Variants in CDT1 observed in about 807,000 individuals in gnomAD.
The protein encoded by CDT1 is DNA replication factor Cdt1.
In CDT1, 66 loss-of-function variants were observed where a neutral mutation model predicts 49.3. The ratio of observed to expected loss-of-function variants is 1.34; its 90% CI spans 1.10 to 1.64. The LOEUF is 1.64. Ranked by LOEUF, CDT1 falls within the 40% of genes most tolerant of loss-of-function variation. The pLI is 0.00. For missense variants in CDT1, 958 were observed against 807.7 expected (o/e 1.19, Z -2.26); for synonymous variants, 424 against 347.4 (o/e 1.22, Z -2.45).
In CDT1 at chr16:88,803,997, GC is replaced by G. The variant is rs1164950412; in HGVS notation, c.171del (p.Gly58AspfsTer41). 7.6e-6 allele frequency: 11 copies of G among 1,447,802 alleles called. No individual in the cohort carries two copies. The highest frequency in any genetic ancestry group is 2.6e-5 in the Admixed American group (1 of 38,408). The allele number at this position is 1,447,802 out of a possible 1,614,324, so 89.7% of individuals were successfully genotyped here. The part of the protein sequence containing the change: ...GSRKRARPPA[A>X]PGRDQARPPA... ...CCGCAAGCGCGCCCGCCCGCCCGCC[GC>G]CCCCGGACGCGACCAGGCCAGGCCA... On this transcript the variant is annotated frameshift_variant, in exon 1 of 10. Coordinates refer to ENST00000301019, the MANE Select transcript of CDT1 (RefSeq NM_030928.4). LOFTEE classifies it high-confidence loss of function.
chr16:88,805,916 C>G, intron 5 of CDT1, 47 bp downstream of exon 5: 3 of 1,605,198 alleles, frequency 1.9e-6, no homozygotes, highest in Non-Finnish European at 1.7e-6. Context: ...GTGAGCCGCA[C>G]AGTTTCCAGG....
chr16:88,809,174 C>G lies in CDT1; in HGVS notation c.*896C>G, dbSNP rs1908999125. The stretch of plus-strand genomic sequence containing the variant: ...GACAAGTAGGACATCCCTGGAGCCT[C>G]CAGAAGGGACTGGCCTCTGCCCACA... On this transcript the variant is annotated 3_prime_UTR_variant, in exon 10 of 10. Transcript: ENST00000301019. 2 of 328,116 alleles carry G rather than the reference C, an allele frequency of 6.1e-6. No individual in the cohort carries two copies. The highest frequency in any genetic ancestry group is 6.0e-6 in the Non-Finnish European group (1 of 166,700). The allele number at this position is 328,116 out of a possible 1,614,324, so 20.3% of individuals were successfully genotyped here. A position where few individuals can be genotyped will look rare whatever the true frequency, so the allele number is the denominator to read the frequency against.
rs571831275 is a variant in CDT1, at chr16:88,809,153, A to G, written c.*875A>G. ...CAGCCTGGAGAAGCTGGGCAGGACAAGTAGGACATCCCTGGAGCCTCCAGA... is the reference window on the plus strand; with the variant it reads ...CAGCCTGGAGAAGCTGGGCAGGACAGGTAGGACATCCCTGGAGCCTCCAGA... On this transcript the variant is annotated 3_prime_UTR_variant, in exon 10 of 10. Coordinates refer to ENST00000301019, the MANE Select transcript of CDT1 (RefSeq NM_030928.4). 1.3e-4 allele frequency: 38 copies of G among 283,722 alleles called. No individual in the cohort carries two copies. The highest frequency in any genetic ancestry group is 1.6e-4 in the Non-Finnish European group (23 of 143,896). 17.6% of individuals were successfully genotyped at this position (283,722 alleles called of 1,614,324 possible). A position where few individuals can be genotyped will look rare whatever the true frequency, so the allele number is the denominator to read the frequency against.
At chr16:88,804,513 C>T (rs374224159) in intron 1 of CDT1, 32 bp from the exon 2 acceptor site, 46 of 1,606,642 alleles carry the variant, frequency 2.9e-5, no homozygotes, top group Non-Finnish European at 3.7e-5. Flanking sequence ...CAGGTCTTGT[C>T]ATGAGTTCAC....
In CDT1 at chr16:88,804,864, A is replaced by C. The variant is rs1597504512; in HGVS notation, c.454A>C (p.Thr152Pro). The change falls in exon 3 of 10, where the codon ACC (threonine) becomes CCC (proline). Residue 152 changes from threonine (T) to proline (P), a missense_variant. Physicochemically the swap from Thr to Pro is conservative, Grantham distance 38. Transcript: ENST00000301019. The stretch of plus-strand genomic sequence containing the variant: ...TGCCCAGGATGCTGGGGAGTCCTGC[A>C]CCCCAGAGGCCGAGGGCCGCCCTGA... ...ASAQDAGESC[T>P]PEAEGRPEEP... The C allele has an allele frequency of 3.7e-6, 6 of 1,603,850 alleles. No individual in the cohort carries two copies. In the East Asian group the frequency reaches 1.1e-4, roughly 30 times the overall value.
Position 88,805,517 on chromosome 16 carries a change from A to G in CDT1, c.566A>G (p.Lys189Arg), listed in dbSNP as rs1321283671. ...CTGCCGGGACTCGTGCTGCCCTACA[A>G]GTACCAGGTGCTGGCGGAGATGTTC... ...PGLPGLVLPY[K>R]YQVLAEMFRS... Residue 189 changes from lysine to arginine, a missense_variant, in exon 4 of 10, where the codon AAG (lysine) becomes AGG (arginine). Physicochemically the swap from Lys to Arg is conservative, Grantham distance 26 (BLOSUM62 2). Transcript: ENST00000301019. 2 of 1,612,788 alleles carry G rather than the reference A, an allele frequency of 1.2e-6. No homozygotes were observed. The highest frequency in any genetic ancestry group is 2.7e-5 in the African/African-American group (2 of 74,942).
intron 8 of CDT1, 37 bp downstream of exon 8, chr16:88,807,240 T>A (rs1197956544): frequency 1.2e-6 from 2 of 1,610,854 alleles, no homozygotes; most frequent in Non-Finnish European, 8.5e-7. Context: ...GGGCGCCTGG[T>A]GACCTGCTGC....
chr16:88,806,990 C>G, intron 7 of CDT1, 61 bp from the exon 8 acceptor site: 2 of 1,605,090 alleles, frequency 1.2e-6, no homozygotes, highest in Non-Finnish European at 1.7e-6. Context: ...GACTCCTGGG[C>G]AGACAGCCAG....
rs762869154 is a variant in CDT1 at position 88,805,611 on chromosome 16, G to C, written c.660G>C (p.Gln220His). The C allele has an allele frequency of 6.2e-7, 1 of 1,612,788 alleles. No homozygotes were observed. Residue 220 changes from glutamine to histidine, a missense_variant, in exon 4 of 10, where the codon CAG becomes CAC. Coordinates refer to ENST00000301019, the MANE Select transcript of CDT1 (RefSeq NM_030928.4). ...AGACGCCCACCTTTGCCAAGGTCCAGCGGGGCGTCCAGGACATGATGCGTA... is the reference window on the plus strand; with the variant it reads ...AGACGCCCACCTTTGCCAAGGTCCACCGGGGCGTCCAGGACATGATGCGTA... The part of the protein sequence containing the change: ...RSETPTFAKV[Q>H]RGVQDMMRRR...
chr16:88,806,371 G>A (rs1334548679), intron 6 of CDT1, 115 bp from the exon 7 acceptor site: 8 of 1,279,768 alleles, frequency 6.3e-6, no homozygotes, highest in Admixed American at 5.9e-5. Context: ...CTGGGCAGAG[G>A]CTGAGTGACT....
intron 6 of CDT1, 163 bp downstream of exon 6, chr16:88,806,284 A>C: frequency 1.0e-6 from 1 of 959,964 alleles, no homozygotes; most frequent in Non-Finnish European, 1.6e-6. Flanking sequence ...GTGCAGCCGC[A>C]GGCACTGAGG....
rs186313212 is a variant in CDT1 at position 88,808,722 on chromosome 16, T to G, written c.*444T>G. ...TGTCATTAAGAAAGACTGGGGTGGGTGTGGTGGCTCACGCCTGTAACCCCA... is the reference window on the plus strand; with the variant it reads ...TGTCATTAAGAAAGACTGGGGTGGGGGTGGTGGCTCACGCCTGTAACCCCA... On this transcript the variant is annotated 3_prime_UTR_variant, in exon 10 of 10. Transcript: ENST00000301019. 1 of 198,140 alleles carries G rather than the reference T, an allele frequency of 5.0e-6. No homozygotes were observed. Among genetic ancestry groups the G allele is most frequent in the Non-Finnish European group, 1.0e-5 (1 of 95,256 alleles). The allele number at this position is 198,140 out of a possible 1,614,324, so 12.3% of individuals were successfully genotyped here. A position where few individuals can be genotyped will look rare whatever the true frequency, so the allele number is the denominator to read the frequency against.
chr16:88,806,561 G>A lies in CDT1; in HGVS notation c.1009G>A (p.Val337Met), dbSNP rs145752768. 4 of 1,609,626 alleles carry A rather than the reference G, an allele frequency of 2.5e-6. No individual in the cohort carries two copies. Among genetic ancestry groups the A allele is most frequent in the South Asian group, 1.1e-5 (1 of 90,450 alleles). ...GACCCGCTGGCACCCGCGCTTCAACGTGGATGAAGTACCCGACATCGAGCC... is the reference window on the plus strand; with the variant it reads ...GACCCGCTGGCACCCGCGCTTCAACATGGATGAAGTACCCGACATCGAGCC... ...QLTRWHPRFN[V>M]DEVPDIEPAA... The change falls in exon 7 of 10, where the codon GTG (valine) becomes ATG (methionine). Residue 337 changes from valine to methionine, a missense_variant. Transcript: ENST00000301019.
rs115858231 is a variant in CDT1 at position 88,808,642 on chromosome 16, C to T, written c.*364C>T. On this transcript the variant is annotated 3_prime_UTR_variant, in exon 10 of 10. Coordinates refer to ENST00000301019, the MANE Select transcript of CDT1 (RefSeq NM_030928.4). Reference sequence around the variant, plus strand: ...TGGGTAGTGTGGGTGGCAGGCCATCCCCTCTAATCTTGGAACCTCTGAATA... The same window carrying T: ...TGGGTAGTGTGGGTGGCAGGCCATCTCCTCTAATCTTGGAACCTCTGAATA... 3,223 of 299,560 alleles carry T rather than the reference C, an allele frequency of 0.011. 86 individuals carry two copies. The highest frequency in any genetic ancestry group is 0.066 in the African/African-American group (3,046 of 46,202). 18.6% of individuals were successfully genotyped at this position (299,560 alleles called of 1,614,324 possible).
Position 88,809,056 on chromosome 16 carries a change from T to C in CDT1, c.*778T>C, listed in dbSNP as rs551818544. On this transcript the variant is annotated 3_prime_UTR_variant, in exon 10 of 10. Coordinates refer to ENST00000301019, the MANE Select transcript of CDT1 (RefSeq NM_030928.4). ...TCCTGAATTGTCCAGCTACGCCCCA[T>C]GTCATCACAGGGCCTTCATGACAGG... is the stretch of plus-strand genomic sequence containing the variant. 1.5e-4 allele frequency: 32 copies of C among 213,140 alleles called. No individual in the cohort carries two copies. Among genetic ancestry groups the C allele is most frequent in the Middle Eastern group, 3.9e-3 (2 of 512 alleles). 13.2% of individuals were successfully genotyped at this position (213,140 alleles called of 1,614,324 possible). A position where few individuals can be genotyped will look rare whatever the true frequency, so the allele number is the denominator to read the frequency against.
At chr16:88,804,116 G>A (rs1597503918) in intron 1 of CDT1, 57 bp downstream of exon 1, 2 of 1,140,358 alleles carry the variant, frequency 1.8e-6, no homozygotes, top group South Asian at 2.1e-5. Context: ...ACTGAGGCCC[G>A]GGGGGCAGGG....
At position 88,807,095 on chromosome 16, in the gene CDT1, C is replaced by T. The variant is rs1348529199; in HGVS notation, c.1167C>T (p.Pro389=). ...AATTGGCCCTGCGCTCTGCTGCGCC[C>T]AGCAGCCCCGGGTCTCCCAGGCCAG... ...LSQLALRSAA[P]SSPGSPRPAL... is the part of the protein sequence containing the mutation. Residue 389 remains proline (P), a synonymous_variant, in exon 8 of 10, where the codon CCC becomes CCT. Transcript: ENST00000301019. The T allele has an allele frequency of 1.9e-6, 3 of 1,612,854 alleles. No homozygotes were observed. The highest frequency in any genetic ancestry group is 2.5e-6 in the Non-Finnish European group (3 of 1,179,978).
At chr16:88,804,699 G>C in intron 2 of CDT1, 32 bp downstream of exon 2, 1 of 1,612,276 alleles carries the variant, frequency 6.2e-7, no homozygotes, top group Non-Finnish European at 8.5e-7. Flanking sequence ...AGATGCGGGA[G>C]GGCTGAGTGG....
Position 88,804,394 on chromosome 16 carries a change from T to A in CDT1, c.229-151T>A, listed in dbSNP as rs934039281. The A allele has an allele frequency of 1.5e-5, 16 of 1,059,406 alleles. No homozygotes were observed. The South Asian group carries it at 2.4e-4, about 16-fold the overall frequency. The allele number at this position is 1,059,406 out of a possible 1,614,324, so 65.6% of individuals were successfully genotyped here. A position where few individuals can be genotyped will look rare whatever the true frequency, so the allele number is the denominator to read the frequency against. On this transcript the variant is annotated intron_variant, in intron 1 of 9. Coordinates refer to ENST00000301019, the MANE Select transcript of CDT1 (RefSeq NM_030928.4). Reference sequence around the variant, plus strand: ...GAGAGCAAGGCTGTGTCCCCGGCCTTAGCACAGACCACCATCTACGGGAAG... The same window carrying A: ...GAGAGCAAGGCTGTGTCCCCGGCCTAAGCACAGACCACCATCTACGGGAAG...
Sources: gnomAD v4.1 joint callset for allele counts on GRCh38, gnomAD v4.1.1 for gene constraint, MANE v1.5 for transcripts, NCBI Gene and HGNC (gene_info 2026-07-23, HGNC 2026-07-21) for gene names.